Variants in PRKCA observed in about 807,000 individuals in gnomAD.
PRKCA encodes protein kinase C alpha type.
In PRKCA, 27 loss-of-function variants were observed where a neutral mutation model predicts 87.0. The observed-to-expected ratio is 0.31, with a 90% CI of 0.23 to 0.43. PRKCA has a LOEUF of 0.43. PRKCA is among the 20% of genes least tolerant of loss of function. PRKCA has a pLI of 1.00. For missense variants in PRKCA, 518 were observed against 852.3 expected, an observed-to-expected ratio of 0.61 and a Z score of 4.88; for synonymous variants, 329 against 311.1, an observed-to-expected ratio of 1.06 and a Z score of -0.61.
chr17:66,585,119 T>C (rs1213336163), intron 3 of PRKCA, among the ~76,000 whole-genome samples: 1 of 151,832 alleles, frequency 6.6e-6, no homozygotes, highest in Non-Finnish European at 1.5e-5. Flanking sequence ...CTGATTTACA[T>C]AGGGCCCAAA....
chr17:66,521,261 G>A (rs935709285), intron 3 of PRKCA, among the ~76,000 whole-genome samples: 5 of 152,192 alleles, frequency 3.3e-5, no homozygotes, highest in African/African-American at 7.2e-5. Context: ...TTTATATAGT[G>A]TAGAAGTCCA....
chr17:66,391,828 T>C (rs1404978334), intron 2 of PRKCA, among the ~76,000 whole-genome samples: 1 of 152,144 alleles, frequency 6.6e-6, no homozygotes, highest in East Asian at 1.9e-4. Context: ...CTCCCCTGTG[T>C]GCACACACAC....
At chr17:66,387,212 C>T (rs1347315343) in intron 2 of PRKCA, among the ~76,000 whole-genome samples, 1 of 152,154 alleles carries the variant, frequency 6.6e-6, no homozygotes, top group Admixed American at 6.5e-5. Context: ...GCAACTGCAA[C>T]GAGTGAAATG....
chr17:66,803,596 C>A lies in PRKCA; in HGVS notation c.1855-277C>A, dbSNP rs142491427. Reference sequence around the variant, plus strand: ...GCTCGGTGAGGTGGACGTGAGGGGACAGGGGCTGTCCCCTTGTTGCTGCCT... The same window carrying A: ...GCTCGGTGAGGTGGACGTGAGGGGAAAGGGGCTGTCCCCTTGTTGCTGCCT... On this transcript the variant is annotated intron_variant, in intron 16 of 16. Coordinates refer to ENST00000413366, the MANE Select transcript of PRKCA (RefSeq NM_002737.3). This position sits in a 1 kb window ranked among gnomAD's most constrained non-coding sequence, Gnocchi z 4.4. Among the ~76,000 whole-genome samples the A allele has an allele frequency of 2.0e-5, 3 of 152,264 alleles. No homozygotes were observed. Among genetic ancestry groups the A allele is most frequent in the African/African-American group, 7.2e-5 (3 of 41,548 alleles).
intron 2 of PRKCA, among the ~76,000 whole-genome samples, chr17:66,319,776 C>G (rs886507355): frequency 2.6e-5 from 4 of 151,482 alleles, no homozygotes; most frequent in African/African-American, 7.3e-5. Context: ...GAGTCTTGCT[C>G]TGTCGCTCAA....
At chr17:66,738,150 G>T (rs2144222451) in intron 10 of PRKCA, among the ~76,000 whole-genome samples, 1 of 152,334 alleles carries the variant, frequency 6.6e-6, no homozygotes, top group East Asian at 1.9e-4. Context: ...TAGCCTACCA[G>T]TGACAGAGAA....
chr17:66,759,732 G>C (rs1214199067), intron 13 of PRKCA, among the ~76,000 whole-genome samples: 1 of 152,128 alleles, frequency 6.6e-6, no homozygotes, highest in Non-Finnish European at 1.5e-5. Context: ...AAAAGTAAGT[G>C]GATATAAAAG....
intron 9 of PRKCA, among the ~76,000 whole-genome samples, chr17:66,733,698 A>G (rs946986418): frequency 6.6e-6 from 1 of 152,206 alleles, no homozygotes; most frequent in African/African-American, 2.4e-5. Context: ...AAGCTGAGGC[A>G]GGAGAATCGC....
At chr17:66,631,797 A>G (rs1843474860) in intron 3 of PRKCA, among the ~76,000 whole-genome samples, 2 of 152,220 alleles carry the variant, frequency 1.3e-5, no homozygotes, top group Non-Finnish European at 1.5e-5. Flanking sequence ...GTATCAAAAC[A>G]TGACATGTAC....
chr17:66,499,952 C>T (rs1916656584), intron 3 of PRKCA, among the ~76,000 whole-genome samples: 1 of 152,104 alleles, frequency 6.6e-6, no homozygotes, highest in South Asian at 2.1e-4. Flanking sequence ...GTCCATGTCC[C>T]CGAAAATTCA....
At chr17:66,373,517 G>A (rs1476306052) in intron 2 of PRKCA, among the ~76,000 whole-genome samples, 1 of 152,208 alleles carries the variant, frequency 6.6e-6, no homozygotes, top group Non-Finnish European at 1.5e-5. Context: ...AAATATTCAT[G>A]ATATCGATTC....
At chr17:66,447,999 G>A (rs570603359) in intron 2 of PRKCA, among the ~76,000 whole-genome samples, 2 of 152,328 alleles carry the variant, frequency 1.3e-5, no homozygotes, top group African/African-American at 4.8e-5. Flanking sequence ...GGTATCGACA[G>A]GTAAGACTGC....
intron 14 of PRKCA, among the ~76,000 whole-genome samples, chr17:66,779,933 T>C (rs1975163560): frequency 6.6e-6 from 1 of 152,166 alleles, no homozygotes; most frequent in Non-Finnish European, 1.5e-5. Context: ...GTTACCCCCA[T>C]GGTCCCCAGG....
At chr17:66,450,953 T>G (rs1254834108) in intron 2 of PRKCA, among the ~76,000 whole-genome samples, 1 of 152,244 alleles carries the variant, frequency 6.6e-6, no homozygotes, top group Non-Finnish European at 1.5e-5. Flanking sequence ...AGAATTTTGC[T>G]GAAAGTAACA....
Position 66,721,360 on chromosome 17 carries a change from C to T in PRKCA, c.919-11328C>T, listed in dbSNP as rs576638340. The stretch of plus-strand genomic sequence containing the variant: ...GCAGTGAGCCGAGATCGGGCCACTG[C>T]ACTCCAGCCTGGGCAACAGAGCAAG... On this transcript the variant is annotated intron_variant, in intron 8 of 16. Coordinates refer to ENST00000413366, the MANE Select transcript of PRKCA (RefSeq NM_002737.3). Among the ~76,000 whole-genome samples, 32 of 146,690 alleles carry T rather than the reference C, an allele frequency of 2.2e-4. 1 individual carries two copies. The highest frequency in any genetic ancestry group is 1.2e-4 in the Non-Finnish European group (8 of 67,252).
chr17:66,500,271 C>A (rs937669477), intron 3 of PRKCA, among the ~76,000 whole-genome samples: 3 of 152,142 alleles, frequency 2.0e-5, no homozygotes, highest in African/African-American at 7.2e-5. Flanking sequence ...GGGCTTTCTG[C>A]AGCCAAGGCC....
At chr17:66,779,378 C>T (rs1975147252) in intron 14 of PRKCA, among the ~76,000 whole-genome samples, 1 of 151,716 alleles carries the variant, frequency 6.6e-6, no homozygotes, top group African/African-American at 2.4e-5. Flanking sequence ...TAGTGTTTAC[C>T]CAGCACTCTA....
intron 14 of PRKCA, chr17:66,774,983 T>G: frequency 1.0e-6 from 1 of 985,432 alleles, no homozygotes; most frequent in Non-Finnish European, 1.2e-6. Flanking sequence ...ATAATGGCCT[T>G]AATATCTGTG....
At chr17:66,424,742 C>G (rs1047701836) in intron 2 of PRKCA, among the ~76,000 whole-genome samples, 5 of 151,566 alleles carry the variant, frequency 3.3e-5, no homozygotes, top group African/African-American at 1.2e-4. Flanking sequence ...CTGTGCTGTT[C>G]CCCCCACCCC....
Sources: allele counts gnomAD v4.1 joint callset (sites outside exome capture counted in the v4.1 genomes callset), GRCh38; gene constraint gnomAD v4.1.1; non-coding constraint Gnocchi (gnomAD v3.1); transcripts MANE v1.5; gene names NCBI Gene and HGNC (gene_info 2026-07-23, HGNC 2026-07-21).